The following PPP1R14C variants were observed in gnomAD, a reference collection of about 807,000 sequenced individuals.
PPP1R14C encodes protein phosphatase 1 regulatory subunit 14C.
Under a neutral mutation model 20.4 loss-of-function variants are expected in PPP1R14C, and 16 were observed. That is an observed-to-expected ratio of 0.78 (90% CI 0.53 to 1.19). The LOEUF (loss-of-function observed/expected upper bound fraction) is 1.19, where lower values mean the gene tolerates loss of function less well. PPP1R14C is among the 50% of genes most tolerant of loss of function. The pLI is 0.00. For synonymous variants in PPP1R14C, 91 were observed against 91.0 expected (o/e 1.00, Z 0.00); for missense variants, 211 against 220.1 (o/e 0.96, Z 0.26).
intron 1 of PPP1R14C, among the ~76,000 whole-genome samples, chr6:150,149,297 A>ATGTGTG (rs1275725621): frequency 1.9e-5 from 2 of 106,626 alleles, no homozygotes; most frequent in South Asian, 3.0e-4. Flanking sequence ...TTCTCCATAC[A>ATGTGTG]TATGTGTGTG....
At chr6:150,240,141 A>G (rs1327181292) in intron 3 of PPP1R14C, among the ~76,000 whole-genome samples, 1 of 152,224 alleles carries the variant, frequency 6.6e-6, no homozygotes, top group East Asian at 1.9e-4. Context: ...CAATTGATAA[A>G]CTTGTAGCCA....
chr6:150,247,006 T>C (rs1675220773), intron 3 of PPP1R14C, among the ~76,000 whole-genome samples: 1 of 152,224 alleles, frequency 6.6e-6, no homozygotes, highest in Non-Finnish European at 1.5e-5. Flanking sequence ...TTGCTGGTTG[T>C]ATTTTCCAGG....
intron 1 of PPP1R14C, among the ~76,000 whole-genome samples, chr6:150,200,201 C>T (rs1352909425): frequency 2.0e-5 from 3 of 151,566 alleles, no homozygotes; most frequent in African/African-American, 7.3e-5. Context: ...CACATACACA[C>T]ACATGTACAC....
chr6:150,242,678 A>G (rs958144871), intron 3 of PPP1R14C, among the ~76,000 whole-genome samples: 1 of 152,232 alleles, frequency 6.6e-6, no homozygotes, highest in Non-Finnish European at 1.5e-5. Flanking sequence ...CACCACTTTT[A>G]TTCAACACAG....
chr6:150,162,781 C>T (rs1256639946), intron 1 of PPP1R14C, among the ~76,000 whole-genome samples: 2 of 152,120 alleles, frequency 1.3e-5, no homozygotes, highest in Non-Finnish European at 2.9e-5. Flanking sequence ...CTCTTAAAAA[C>T]AAATGCAAAT....
At chr6:150,242,886 T>C (rs1778448824) in intron 3 of PPP1R14C, among the ~76,000 whole-genome samples, 1 of 152,218 alleles carries the variant, frequency 6.6e-6, no homozygotes, top group Admixed American at 6.5e-5. Flanking sequence ...ATCTATTGTA[T>C]TTCTCTATAC....
At chr6:150,172,050 C>T (rs762870728) in intron 1 of PPP1R14C, among the ~76,000 whole-genome samples, 35 of 152,190 alleles carry the variant, frequency 2.3e-4, no homozygotes, top group African/African-American at 3.1e-4. Context: ...TCAAGTGATC[C>T]GCCCGCCTTG....
At chr6:150,187,267 G>A (rs1269999684) in intron 1 of PPP1R14C, among the ~76,000 whole-genome samples, 2 of 151,292 alleles carry the variant, frequency 1.3e-5, no homozygotes, top group African/African-American at 4.9e-5. Flanking sequence ...GTGTGTGTGT[G>A]TGTGTGTGTG....
intron 1 of PPP1R14C, among the ~76,000 whole-genome samples, chr6:150,191,205 A>G (rs368345898): frequency 2.0e-5 from 3 of 152,164 alleles, no homozygotes; most frequent in African/African-American, 7.2e-5. Context: ...TTCCAGGATC[A>G]ACTGTTGTTG....
At chr6:150,169,952 C>A (rs1337691724) in intron 1 of PPP1R14C, among the ~76,000 whole-genome samples, 1 of 152,210 alleles carries the variant, frequency 6.6e-6, no homozygotes, top group Non-Finnish European at 1.5e-5. Flanking sequence ...CTTCAGCATA[C>A]AGGCTTTTCC....
At chr6:150,194,922 G>T in intron 1 of PPP1R14C, 2 of 985,408 alleles carry the variant, frequency 2.0e-6, no homozygotes, top group Non-Finnish European at 2.4e-6. Context: ...AAATATGACA[G>T]TTGATCCAGG....
At position 150,143,371 on chromosome 6, in the gene PPP1R14C, A is replaced by C; in HGVS notation, c.179A>C (p.Gln60Pro). ...VATAAAAGQV[Q>P]QQQQRRHQQG... Reference sequence around the variant, plus strand: ...ACGGCGGCCGCTGCAGGGCAGGTTCAGCAGCAACAGCAGCGGCGACACCAG... The same window carrying C: ...ACGGCGGCCGCTGCAGGGCAGGTTCCGCAGCAACAGCAGCGGCGACACCAG... The change falls in exon 1 of 4, where the codon CAG becomes CCG. Residue 60 changes from glutamine to proline, a missense_variant. By Grantham distance (76) the Gln-to-Pro change is moderately conservative (BLOSUM62 -1). Transcript: ENST00000361131. This position sits in a 1 kb window ranked among gnomAD's most constrained non-coding sequence, Gnocchi z 5.6. 6.2e-7 allele frequency: 1 copy of C among 1,611,340 alleles called. No individual in the cohort carries two copies. The highest frequency in any genetic ancestry group is 8.5e-7 in the Non-Finnish European group (1 of 1,179,244).
chr6:150,192,178 G>T (rs138928720), intron 1 of PPP1R14C, among the ~76,000 whole-genome samples: 14 of 152,222 alleles, frequency 9.2e-5, no homozygotes, highest in African/African-American at 3.4e-4. Flanking sequence ...TTTGGATGCC[G>T]CCTGGGCTGC....
intron 1 of PPP1R14C, among the ~76,000 whole-genome samples, chr6:150,190,439 T>C (rs942041820): frequency 2.0e-5 from 3 of 151,242 alleles, no homozygotes; most frequent in African/African-American, 7.3e-5. Flanking sequence ...TTTGCCTTTT[T>C]TTTTTTTTGA....
At position 150,143,630 on chromosome 6, in the gene PPP1R14C, C is replaced by A; in HGVS notation, c.306+132C>A. The stretch of plus-strand genomic sequence containing the variant: ...CGGGGACCAAGTGCCAGGAGCGAGG[C>A]GCGGCGCCTTCTCTCCCCCGCGGTG... On this transcript the variant is annotated intron_variant, in intron 1 of 3. Coordinates refer to ENST00000361131, the MANE Select transcript of PPP1R14C (RefSeq NM_030949.3). This position sits in a 1 kb window ranked among gnomAD's most constrained non-coding sequence, Gnocchi z 5.6. 3.0e-6 allele frequency: 2 copies of A among 673,720 alleles called. No homozygotes were observed. The highest frequency in any genetic ancestry group is 1.9e-5 in the South Asian group (1 of 51,456). 41.7% of individuals were successfully genotyped at this position (673,720 alleles called of 1,614,324 possible).
chr6:150,164,956 A>G (rs910327940), intron 1 of PPP1R14C, among the ~76,000 whole-genome samples: 1 of 152,220 alleles, frequency 6.6e-6, no homozygotes, highest in Non-Finnish European at 1.5e-5. Flanking sequence ...CCATCATGGG[A>G]GGACACATTG....
intron 1 of PPP1R14C, among the ~76,000 whole-genome samples, chr6:150,196,674 A>G (rs76290012): frequency 0.012 from 1,769 of 152,296 alleles, 30 homozygotes; most frequent in African/African-American, 0.04. Flanking sequence ...ATGTGTTTCA[A>G]TCACTTCATT....
chr6:150,226,310 G>A (rs983863506), intron 3 of PPP1R14C, among the ~76,000 whole-genome samples: 7 of 152,170 alleles, frequency 4.6e-5, no homozygotes, highest in Admixed American at 2.0e-4. Context: ...TGACTTACAG[G>A]TAGCAAAAGG....
At position 150,182,809 on chromosome 6, in the gene PPP1R14C, T is replaced by C. The variant is rs528016090; in HGVS notation, c.307-31935T>C. Among the ~76,000 whole-genome samples, 12 of 152,322 alleles carry C rather than the reference T, an allele frequency of 7.9e-5. No individual in the cohort carries two copies. In the South Asian group the frequency reaches 1.9e-3, roughly 24 times the overall value. On this transcript the variant is annotated intron_variant, in intron 1 of 3. Transcript: ENST00000361131. ...ATGCATCCTTAGGTGACTTTGTTGA[T>C]GTGTGAACATCATAGAGTGAACTAC...
Sources: allele counts gnomAD v4.1 joint callset (sites outside exome capture counted in the v4.1 genomes callset), GRCh38; gene constraint gnomAD v4.1.1; non-coding constraint Gnocchi (gnomAD v3.1); transcripts MANE v1.5; gene names NCBI Gene and HGNC (gene_info 2026-07-23, HGNC 2026-07-21).